GRIA4: variants seen among roughly 807,000 people sequenced by gnomAD.
The protein encoded by GRIA4 is glutamate ionotropic receptor AMPA type subunit 4, also known as glutamate receptor 4.
In GRIA4, 34 loss-of-function variants were observed where a neutral mutation model predicts 104.0. The observed-to-expected ratio is 0.33, with a 90% CI of 0.25 to 0.44. The LOEUF (loss-of-function observed/expected upper bound fraction) is 0.44, where lower values mean the gene tolerates loss of function less well. Among genes scored for constraint, GRIA4 ranks in the 20% least tolerant of loss-of-function variants. The pLI is 1.00. For synonymous variants in GRIA4, 386 were observed against 381.9 expected (o/e 1.01, Z -0.13); for missense variants, 750 against 1,096.5 (o/e 0.68, Z 4.46).
At chr11:105,964,066 CACAA>C (rs1246314615) in intron 14 of GRIA4, among the ~76,000 whole-genome samples, 1 of 152,026 alleles carries the variant, frequency 6.6e-6, no homozygotes, top group African/African-American at 2.4e-5. Flanking sequence ...TCCTCACAGA[CACAA>C]AATAAATTAA....
intron 4 of GRIA4, among the ~76,000 whole-genome samples, chr11:105,769,294 A>G (rs1178924762): frequency 6.6e-6 from 1 of 152,128 alleles, no homozygotes; most frequent in Non-Finnish European, 1.5e-5. Context: ...AGAGTTACAG[A>G]AAAGGCAAAT....
At chr11:105,784,257 A>G (rs1365426573) in intron 4 of GRIA4, among the ~76,000 whole-genome samples, 1 of 152,168 alleles carries the variant, frequency 6.6e-6, no homozygotes, top group African/African-American at 2.4e-5. Context: ...ATGTATTCCT[A>G]TATTGTTTTT....
chr11:105,612,482 G>T (rs769333448), intron 3 of GRIA4, 48 bp downstream of exon 3: 3 of 1,424,360 alleles, frequency 2.1e-6, no homozygotes, highest in Non-Finnish European at 3.0e-6. Context: ...CTGAAACCAA[G>T]CAATGGAGTC....
chr11:105,847,086 C>T (rs1017078141), intron 4 of GRIA4, among the ~76,000 whole-genome samples: 24 of 149,294 alleles, frequency 1.6e-4, no homozygotes, highest in African/African-American at 5.7e-4. Context: ...ATTCTCATGA[C>T]GAGCACACAA....
In GRIA4 at chr11:105,636,483, T is replaced by G. The variant is rs148920434; in HGVS notation, c.247+24049T>G. On this transcript the variant is annotated intron_variant, in intron 3 of 16. Transcript: ENST00000282499. ...TGACACACATACCAAATCAAAACAT[T>G]GTATGTTTTTATCATTTTCTTTTCT... is the stretch of plus-strand genomic sequence containing the variant. Among the ~76,000 whole-genome samples, 725 of 152,280 alleles carry G rather than the reference T, an allele frequency of 4.8e-3. 6 individuals carry two copies. In the Middle Eastern group the frequency reaches 0.054, roughly 11 times the overall value.
At chr11:105,845,035 C>T (rs80350424) in intron 4 of GRIA4, among the ~76,000 whole-genome samples, 202 of 152,350 alleles carry the variant, frequency 1.3e-3, no homozygotes, top group Non-Finnish European at 2.5e-3. Flanking sequence ...TTTACTTCCA[C>T]ATTTAGTGAC....
At chr11:105,780,100 A>G (rs951207629) in intron 4 of GRIA4, among the ~76,000 whole-genome samples, 5 of 152,184 alleles carry the variant, frequency 3.3e-5, no homozygotes, top group Admixed American at 1.3e-4. Context: ...TCTCCTATGT[A>G]TAATCTTCCC....
chr11:105,968,603 G>GAAATAAATA (rs1356002677), intron 14 of GRIA4, among the ~76,000 whole-genome samples: 1 of 152,144 alleles, frequency 6.6e-6, no homozygotes, highest in Non-Finnish European at 1.5e-5. Flanking sequence ...CATCTTACAC[G>GAAATAAATA]AAATAAATTA....
chr11:105,778,418 C>CA (rs1941550465), intron 4 of GRIA4, among the ~76,000 whole-genome samples: 1 of 152,142 alleles, frequency 6.6e-6, no homozygotes, highest in Non-Finnish European at 1.5e-5. Flanking sequence ...ACACCAAGTA[C>CA]AAGGGGGGCT....
At chr11:105,682,685 CT>C (rs1453286935) in intron 3 of GRIA4, among the ~76,000 whole-genome samples, 1 of 152,120 alleles carries the variant, frequency 6.6e-6, no homozygotes, top group Non-Finnish European at 1.5e-5. Flanking sequence ...TTTTCGCACT[CT>C]TATTTTAACC....
chr11:105,703,838 T>C (rs1215405719), intron 3 of GRIA4, among the ~76,000 whole-genome samples: 1 of 152,158 alleles, frequency 6.6e-6, no homozygotes, highest in African/African-American at 2.4e-5. Flanking sequence ...TAAATTTTTA[T>C]AGACTTAACC....
intron 14 of GRIA4, among the ~76,000 whole-genome samples, chr11:105,955,525 G>A (rs926041010): frequency 2.0e-5 from 3 of 152,056 alleles, no homozygotes; most frequent in African/African-American, 7.2e-5. Flanking sequence ...GTCTATCATT[G>A]ATGGGCATAT....
chr11:105,639,306 A>T (rs1439212907), intron 3 of GRIA4, among the ~76,000 whole-genome samples: 1 of 152,094 alleles, frequency 6.6e-6, no homozygotes, highest in Non-Finnish European at 1.5e-5. Context: ...AATATATTTT[A>T]AAATTCTTTT....
At chr11:105,708,688 A>G (rs1953797492) in intron 3 of GRIA4, among the ~76,000 whole-genome samples, 1 of 152,064 alleles carries the variant, frequency 6.6e-6, no homozygotes. Context: ...ACCAACATTG[A>G]GCAAATAAGT....
intron 4 of GRIA4, among the ~76,000 whole-genome samples, chr11:105,788,563 G>GA (rs751621830): frequency 6.6e-6 from 1 of 151,976 alleles, no homozygotes; most frequent in Non-Finnish European, 1.5e-5. Flanking sequence ...TATGCAGCCA[G>GA]AAAAAAAGAA....
chr11:105,979,618 T>G lies in GRIA4; in HGVS notation c.2588T>G (p.Ile863Ser). The G allele has an allele frequency of 6.2e-7, 1 of 1,614,028 alleles. No individual in the cohort carries two copies. The stretch of plus-strand genomic sequence containing the variant: ...ATAAGAAACAAAGCCAGATTATCCA[T>G]CACTGGGAGTGTGGGAGAGAATGGC... ...EAIRNKARLSITGSVGENGRV... is the reference protein window; with the variant it reads ...EAIRNKARLSSTGSVGENGRV... The change falls in exon 17 of 17, where the codon ATC (isoleucine) becomes AGC (serine). Residue 863 changes from isoleucine to serine, a missense_variant. Physicochemically the swap from Ile to Ser is moderately radical, Grantham distance 142. Coordinates refer to ENST00000282499, the MANE Select transcript of GRIA4 (RefSeq NM_000829.4).
intron 14 of GRIA4, among the ~76,000 whole-genome samples, chr11:105,941,338 T>C (rs940740688): frequency 6.6e-6 from 1 of 152,150 alleles, no homozygotes; most frequent in Non-Finnish European, 1.5e-5. Context: ...AAATATACTT[T>C]CAAAAACTTT....
At chr11:105,722,889 G>A (rs1296632982) in intron 3 of GRIA4, among the ~76,000 whole-genome samples, 8 of 151,966 alleles carry the variant, frequency 5.3e-5, no homozygotes, top group Admixed American at 1.3e-4. Flanking sequence ...TAATATTATC[G>A]CCAAACTAAT....
intron 5 of GRIA4, among the ~76,000 whole-genome samples, chr11:105,869,957 A>G (rs1945554814): frequency 6.6e-6 from 1 of 152,074 alleles, no homozygotes; most frequent in African/African-American, 2.4e-5. Flanking sequence ...GATAAGGTTC[A>G]CATAACCACT....
Sources: gnomAD v4.1 joint callset for allele counts (sites outside exome capture counted in the v4.1 genomes callset) on GRCh38, gnomAD v4.1.1 for gene constraint, MANE v1.5 for transcripts, NCBI Gene and HGNC (gene_info 2026-07-23, HGNC 2026-07-21) for gene names.